Variants in EIF4B observed in about 807,000 individuals in gnomAD.
EIF4B encodes eukaryotic translation initiation factor 4B.
In EIF4B, 8 loss-of-function variants were observed where a neutral mutation model predicts 79.3. That is an observed-to-expected ratio of 0.10 (90% CI 0.06 to 0.18). EIF4B has a LOEUF of 0.18. Among genes scored for constraint, EIF4B ranks in the 10% least tolerant of loss-of-function variants. EIF4B has a pLI of 1.00. For missense variants in EIF4B, 515 were observed against 792.4 expected, an observed-to-expected ratio of 0.65 and a Z score of 4.20; for synonymous variants, 238 against 274.7, an observed-to-expected ratio of 0.87 and a Z score of 1.32.
chr12:53,035,674 C>T (rs1943528885), intron 10 of EIF4B, among the ~76,000 whole-genome samples: 1 of 151,458 alleles, frequency 6.6e-6, no homozygotes. Flanking sequence ...AGCCTACACC[C>T]AGCTAAAATT....
At chr12:53,039,493 G>C in intron 13 of EIF4B, 137 bp from the exon 14 acceptor site, 1 of 1,264,632 alleles carries the variant, frequency 7.9e-7, no homozygotes, top group Non-Finnish European at 1.1e-6. Flanking sequence ...TGAAAATCTA[G>C]AAGTAATACA....
intron 8 of EIF4B, among the ~76,000 whole-genome samples, chr12:53,030,413 C>CT (rs759061266): frequency 0.043 from 1,833 of 42,942 alleles, 516 homozygotes; most frequent in Non-Finnish European, 0.054. Context: ...AAATTATATT[C>CT]TTTTTTTTTT....
At chr12:53,027,732 TTAATG>T in intron 6 of EIF4B, 45 bp from the exon 7 acceptor site, 4 of 1,586,272 alleles carry the variant, frequency 2.5e-6, no homozygotes, top group Non-Finnish European at 2.6e-6. Flanking sequence ...CGTGTTTCTA[TTAATG>T]GTGTCAGAGA....
At chr12:53,038,260 A>G (rs757107753) in intron 11 of EIF4B, 96 bp from the exon 12 acceptor site, 117 of 1,108,726 alleles carry the variant, frequency 1.1e-4, no homozygotes, top group Non-Finnish European at 4.3e-5. Context: ...TTTGTTTTCT[A>G]TAAAGCTTAC....
chr12:53,034,718 G>T lies in EIF4B; in HGVS notation c.1306+9G>T. On this transcript the variant is annotated intron_variant, in intron 10 of 14. Coordinates refer to ENST00000262056, the MANE Select transcript of EIF4B (RefSeq NM_001417.7). ...CACCACATCTAGCAGAAGTAAGTCAGACCAGGGTGGGTATCGTGTTATTGC... is the reference window on the plus strand; with the variant it reads ...CACCACATCTAGCAGAAGTAAGTCATACCAGGGTGGGTATCGTGTTATTGC... 1 of 1,614,042 alleles carries T rather than the reference G, an allele frequency of 6.2e-7. No individual in the cohort carries two copies. The highest frequency in any genetic ancestry group is 1.7e-5 in the Admixed American group (1 of 60,014).
chr12:53,014,116 T>C (rs1392771382), intron 1 of EIF4B, among the ~76,000 whole-genome samples: 1 of 151,896 alleles, frequency 6.6e-6, no homozygotes, highest in African/African-American at 2.4e-5. Flanking sequence ...GAGCCACGAT[T>C]GCACCACTGC....
chr12:53,019,433 A>T (rs1211892352), intron 3 of EIF4B, among the ~76,000 whole-genome samples: 476 of 32,484 alleles, frequency 0.015, 1 homozygote, highest in Middle Eastern at 0.053. Context: ...TTATATATAT[A>T]TATATTTTTT....
At chr12:53,021,620 A>G in intron 4 of EIF4B, 186 bp from the exon 5 acceptor site, 1 of 702,000 alleles carries the variant, frequency 1.4e-6, no homozygotes, top group South Asian at 1.6e-5. Flanking sequence ...GCCAGCTTAA[A>G]TTTGTTTAAC....
chr12:53,018,287 CTGT>C (rs1943180499), intron 2 of EIF4B, among the ~76,000 whole-genome samples: 1 of 152,164 alleles, frequency 6.6e-6, no homozygotes, highest in Non-Finnish European at 1.5e-5. Flanking sequence ...CGAGCCAGGC[CTGT>C]TGTTGTTTTT....
intron 1 of EIF4B, among the ~76,000 whole-genome samples, chr12:53,013,163 T>C (rs1278992376): frequency 1.3e-5 from 2 of 152,238 alleles, no homozygotes; most frequent in Non-Finnish European, 2.9e-5. Flanking sequence ...TTCCACATTC[T>C]GCTGTTTTGG....
intron 12 of EIF4B, 81 bp downstream of exon 12, chr12:53,038,492 G>T (rs1195303836): frequency 7.2e-7 from 1 of 1,388,944 alleles, no homozygotes. Context: ...TTGAAGAGCA[G>T]TGTGTCTCGC....
Position 53,007,992 on chromosome 12 carries a change from GTCA to G in EIF4B, c.13+1503_13+1505del, listed in dbSNP as rs145782600. On this transcript the variant is annotated intron_variant, in intron 1 of 14. Transcript: ENST00000262056. ...CTTAGCAACTTAAAAGTATCAAGGT[GTCA>G]TCATCAGTTTAGGACGCTGCCCGAA... Among the ~76,000 whole-genome samples the G allele has an allele frequency of 1.1e-4, 16 of 152,324 alleles. No individual in the cohort carries two copies. In the East Asian group the frequency reaches 1.5e-3, roughly 15 times the overall value.
chr12:53,019,437 A>ATATATTTTTTTTTCTTTTTTTTTTTT (rs1943205076), intron 3 of EIF4B, among the ~76,000 whole-genome samples: 1 of 51,008 alleles, frequency 2.0e-5, no homozygotes, highest in Admixed American at 3.1e-4. Flanking sequence ...ATATATATAT[A>ATATATTTTTTTTTCTTTTTTTTTTTT]TTTTTTTTTT....
In EIF4B at chr12:53,022,616, G is replaced by C. The variant is rs1248927041; in HGVS notation, c.656G>C (p.Ser219Thr). ...DDYPPRRGDDSFGDKYRDRYD... is the reference protein window; with the variant it reads ...DDYPPRRGDDTFGDKYRDRYD... Reference sequence around the variant, plus strand: ...TACCCACCTAGAAGAGGTGATGATAGCTTTGGAGACAGTAAGTTTGTTTTT... The same window carrying C: ...TACCCACCTAGAAGAGGTGATGATACCTTTGGAGACAGTAAGTTTGTTTTT... Residue 219 changes from serine to threonine, a missense_variant, in exon 6 of 15, where the codon AGC becomes ACC. This residue lies in a region of EIF4B where 187 missense variants were observed against 256.5 expected (regional missense o/e 0.73). Coordinates refer to ENST00000262056, the MANE Select transcript of EIF4B (RefSeq NM_001417.7). 4 of 1,613,538 alleles carry C rather than the reference G, an allele frequency of 2.5e-6. No homozygotes were observed. The East Asian group carries it at 6.7e-5, about 27-fold the overall frequency.
chr12:53,037,011 T>C (rs1943551401), intron 10 of EIF4B, among the ~76,000 whole-genome samples: 1 of 152,178 alleles, frequency 6.6e-6, no homozygotes, highest in Admixed American at 6.5e-5. Context: ...ATAAATATGA[T>C]TGCATCATAG....
chr12:53,032,775 G>A (rs755747883), intron 8 of EIF4B, among the ~76,000 whole-genome samples: 1 of 151,038 alleles, frequency 6.6e-6, no homozygotes, highest in Non-Finnish European at 1.5e-5. Context: ...GGGTTCAAGC[G>A]ATTCTCCTGC....
At chr12:53,039,563 G>GCAT in intron 13 of EIF4B, 67 bp from the exon 14 acceptor site, 3 of 1,567,694 alleles carry the variant, frequency 1.9e-6, no homozygotes, top group Non-Finnish European at 2.6e-6. Flanking sequence ...GAAACTGCAT[G>GCAT]CATACACATG....
rs577112354 is a variant in EIF4B at position 53,006,468 on chromosome 12, C to T, written c.-16C>T. 5.6e-6 allele frequency: 9 copies of T among 1,613,444 alleles called. No homozygotes were observed. The South Asian group carries it at 8.8e-5, about 16-fold the overall frequency. On this transcript the variant is annotated 5_prime_UTR_variant, in exon 1 of 15. Transcript: ENST00000262056. ...GCCTCATCCGGGTCTTTTGCGTTCT[C>T]TTTCCCTCTCCCAACATGGCGGCCT...
chr12:53,024,755 G>T (rs1354066942), intron 6 of EIF4B, among the ~76,000 whole-genome samples: 1 of 152,096 alleles, frequency 6.6e-6, no homozygotes, highest in Non-Finnish European at 1.5e-5. Context: ...GCCAGGTTCA[G>T]GGTGTTCCTC....
Sources: allele counts gnomAD v4.1 joint callset (sites outside exome capture counted in the v4.1 genomes callset), GRCh38; gene constraint gnomAD v4.1.1; regional missense constraint gnomAD v4.1.1; transcripts MANE v1.5; gene names NCBI Gene and HGNC (gene_info 2026-07-23, HGNC 2026-07-21).